Variants in CACNA1A observed in about 807,000 individuals in gnomAD.
CACNA1A encodes voltage-dependent P/Q-type calcium channel subunit alpha-1A.
Under a neutral mutation model 262.4 loss-of-function variants are expected in CACNA1A, and 57 were observed. That is an observed-to-expected ratio of 0.22 (90% CI 0.18 to 0.27). The LOEUF (loss-of-function observed/expected upper bound fraction) is 0.27. CACNA1A is among the 10% of genes least tolerant of loss of function. CACNA1A has a pLI of 1.00. For synonymous variants in CACNA1A, 1,431 were observed against 1,419.3 expected, an observed-to-expected ratio of 1.01 and a Z score of -0.18; for missense variants, 2,526 against 3,562.8, an observed-to-expected ratio of 0.71 and a Z score of 7.41.
intron 3 of CACNA1A, among the ~76,000 whole-genome samples, chr19:13,413,527 G>C (rs1021501762): frequency 1.4e-4 from 19 of 138,638 alleles, no homozygotes; most frequent in African/African-American, 5.1e-4. Flanking sequence ...AGTGATTATA[G>C]TGCCACTGCA....
At chr19:13,402,498 T>G (rs2059913287) in intron 3 of CACNA1A, among the ~76,000 whole-genome samples, 1 of 151,292 alleles carries the variant, frequency 6.6e-6, no homozygotes, top group Non-Finnish European at 1.5e-5. Context: ...AACTTACTCA[T>G]GCAACCAAAT....
intron 3 of CACNA1A, among the ~76,000 whole-genome samples, chr19:13,409,175 C>T (rs1481917392): frequency 2.0e-5 from 3 of 152,074 alleles, no homozygotes; most frequent in African/African-American, 7.2e-5. Flanking sequence ...ACTTTGCTTT[C>T]CCGAATGATG....
At position 13,335,662 on chromosome 19, in the gene CACNA1A, G is replaced by A. The variant is rs142663366; in HGVS notation, c.1082+144C>T. The A allele has an allele frequency of 1.9e-4, 123 of 658,308 alleles. No homozygotes were observed. In the African/African-American group the frequency reaches 2.0e-3, roughly 11 times the overall value. 40.8% of individuals were successfully genotyped at this position (658,308 alleles called of 1,614,324 possible). A position where few individuals can be genotyped will look rare whatever the true frequency, so the allele number is the denominator to read the frequency against. ...CAACCTCTGCACCTGTGCATGGCTT[G>A]CTAATAACAGTCTGGTAACCCAAAC... is the stretch of plus-strand genomic sequence containing the variant. On this transcript the variant is annotated intron_variant, in intron 7 of 46. Transcript: ENST00000360228.
At position 13,419,432 on chromosome 19, in the gene CACNA1A, T is replaced by C. The variant is rs147089622; in HGVS notation, c.539+33444A>G. On this transcript the variant is annotated intron_variant, in intron 3 of 46. Transcript: ENST00000360228. ...GGCTCATATCTGTAATCCCAGCACT[T>C]TGGGAGGTTAAGGTGGGAGGCTCTT... is the stretch of plus-strand genomic sequence containing the variant. 1.0e-3 allele frequency among the ~76,000 whole-genome samples: 154 copies of C among 152,260 alleles called. 3 individuals are homozygous for C. Among genetic ancestry groups the C allele is most frequent in the African/African-American group, 3.5e-3 (146 of 41,570 alleles).
intron 31 of CACNA1A, among the ~76,000 whole-genome samples, chr19:13,240,270 G>C (rs1166989099): frequency 6.6e-6 from 1 of 152,100 alleles, no homozygotes; most frequent in Admixed American, 6.6e-5. Flanking sequence ...CAGTGTGTGG[G>C]TGCATAGACT....
chr19:13,249,401 G>A (rs1004648388), intron 30 of CACNA1A, among the ~76,000 whole-genome samples: 2 of 152,174 alleles, frequency 1.3e-5, no homozygotes, highest in East Asian at 3.9e-4. Context: ...TGTCACCCAG[G>A]GTGGGGTGCA....
intron 46 of CACNA1A, among the ~76,000 whole-genome samples, chr19:13,208,426 A>C (rs1041350950): frequency 6.6e-5 from 10 of 152,188 alleles, no homozygotes; most frequent in Admixed American, 2.6e-4. Context: ...AAACAAAAAC[A>C]GAAGCCGGGT....
intron 18 of CACNA1A, among the ~76,000 whole-genome samples, chr19:13,299,648 C>T (rs769607292): frequency 2.0e-5 from 3 of 152,144 alleles, no homozygotes; most frequent in Non-Finnish European, 4.4e-5. Context: ...ACTTACTATT[C>T]GATTCTAGTC....
intron 15 of CACNA1A, among the ~76,000 whole-genome samples, chr19:13,304,659 CAA>C (rs34159456): frequency 0.14 from 14,897 of 103,376 alleles, 1,003 homozygotes; most frequent in East Asian, 0.32. Context: ...ATTTTTGTCT[CAA>C]AAAAAAAAAA....
chr19:13,247,287 T>G (rs1357717616), intron 30 of CACNA1A, among the ~76,000 whole-genome samples: 1 of 152,212 alleles, frequency 6.6e-6, no homozygotes, highest in Non-Finnish European at 1.5e-5. Flanking sequence ...TGCGCCCTTC[T>G]CTGGAAGGCA....
chr19:13,332,200 A>AGCCCG (rs754318823), intron 9 of CACNA1A, among the ~76,000 whole-genome samples: 30 of 152,282 alleles, frequency 2.0e-4, no homozygotes, highest in South Asian at 2.1e-4. Flanking sequence ...AAGGAGTTCA[A>AGCCCG]GACCAGCCCG....
At chr19:13,257,170 T>C (rs999065441) in intron 28 of CACNA1A, 180 bp downstream of exon 28, 29 of 577,574 alleles carry the variant, frequency 5.0e-5, no homozygotes, top group Non-Finnish European at 9.0e-5. Context: ...ACATACACTA[T>C]ATGATGTGTT....
intron 34 of CACNA1A, among the ~76,000 whole-genome samples, chr19:13,233,519 G>A (rs530290603): frequency 3.3e-5 from 5 of 151,916 alleles, no homozygotes; most frequent in Admixed American, 2.0e-4. Flanking sequence ...ACAGAGTCTC[G>A]CTCTGTTGCC....
At chr19:13,277,380 G>T in intron 22 of CACNA1A, 1 of 374,352 alleles carries the variant, frequency 2.7e-6, no homozygotes, top group East Asian at 4.7e-5. Flanking sequence ...CACTGTACTA[G>T]GCCAGTTCGC....
intron 3 of CACNA1A, among the ~76,000 whole-genome samples, chr19:13,429,066 G>A (rs750569412): frequency 6.6e-6 from 1 of 151,358 alleles, no homozygotes; most frequent in Non-Finnish European, 1.5e-5. Context: ...TAGATTTGCT[G>A]ACCACCTTCT....
intron 6 of CACNA1A, among the ~76,000 whole-genome samples, chr19:13,353,854 C>T (rs1449685586): frequency 6.6e-6 from 1 of 152,158 alleles, no homozygotes; most frequent in Non-Finnish European, 1.5e-5. Context: ...CTGAGAAGCC[C>T]TCCCTGATTG....
At chr19:13,309,220 G>A (rs1239590981) in intron 12 of CACNA1A, among the ~76,000 whole-genome samples, 1 of 151,862 alleles carries the variant, frequency 6.6e-6, no homozygotes, top group Non-Finnish European at 1.5e-5. Context: ...GTGTTGGCCA[G>A]GCTAGTCTCG....
In CACNA1A at chr19:13,286,711, G is replaced by A. The variant is rs752384911; in HGVS notation, c.3345C>T (p.Asn1115=). 1.3e-6 allele frequency: 2 copies of A among 1,593,046 alleles called. No homozygotes were observed. The highest frequency in any genetic ancestry group is 1.7e-6 in the Non-Finnish European group (2 of 1,168,506). ...PMLAIPAMAT[N]PQNAASRRTP... The stretch of plus-strand genomic sequence containing the variant: ...TCCGGCGGCTGGCGGCGTTCTGGGG[G>A]TTGGTGGCCATGGCAGGGATGGCCA... Residue 1115 remains asparagine, a synonymous_variant, in exon 20 of 47, where the codon AAC becomes AAT. Coordinates refer to ENST00000360228, the MANE Select transcript of CACNA1A (RefSeq NM_001127222.2).
intron 3 of CACNA1A, among the ~76,000 whole-genome samples, chr19:13,440,719 T>C (rs2060704129): frequency 6.6e-6 from 1 of 152,206 alleles, no homozygotes; most frequent in Non-Finnish European, 1.5e-5. Flanking sequence ...CCTGGGCAAG[T>C]AACATCCATA....
Sources: gnomAD v4.1 joint callset for allele counts (sites outside exome capture counted in the v4.1 genomes callset) on GRCh38, gnomAD v4.1.1 for gene constraint, MANE v1.5 for transcripts, NCBI Gene and HGNC (gene_info 2026-07-23, HGNC 2026-07-21) for gene names.